The following ZSWIM6 variants were observed in gnomAD, a reference collection of about 807,000 sequenced individuals.
ZSWIM6 encodes zinc finger SWIM domain-containing protein 6.
Under a neutral mutation model 113.2 loss-of-function variants are expected in ZSWIM6, and 9 were observed. That is an observed-to-expected ratio of 0.08 (90% CI 0.05 to 0.14). The LOEUF (loss-of-function observed/expected upper bound fraction) is 0.14, where lower values mean the gene tolerates loss of function less well. ZSWIM6 is among the 10% of genes least tolerant of loss of function. ZSWIM6 has a pLI of 1.00. For missense variants in ZSWIM6, 1,162 were observed against 1,552.2 expected, an observed-to-expected ratio of 0.75 and a Z score of 4.22; for synonymous variants, 611 against 606.5, an observed-to-expected ratio of 1.01 and a Z score of -0.11.
chr5:61,332,854 CGGGGCGGCG>C lies in ZSWIM6; in HGVS notation c.584_592del (p.Gly195_Ala197del). 8.5e-7 allele frequency: 1 copy of C among 1,173,368 alleles called. No homozygotes were observed. Among genetic ancestry groups the C allele is most frequent in the African/African-American group, 1.6e-5 (1 of 61,522 alleles). 72.7% of individuals were successfully genotyped at this position (1,173,368 alleles called of 1,614,324 possible). On this transcript the variant is annotated inframe_deletion, in exon 1 of 14. Transcript: ENST00000252744. ...CCGGGGCCCCGTCGGTGGGGGCTGCCGGGGCGGCGGACGGCGGCGACGAGACGCGGCTGC... is the reference window on the plus strand; with the variant it reads ...CCGGGGCCCCGTCGGTGGGGGCTGCCGACGGCGGCGACGAGACGCGGCTGC...
chr5:61,521,484 A>G (rs1749119383), intron 5 of ZSWIM6, 42 bp downstream of exon 5: 1 of 1,368,188 alleles, frequency 7.3e-7, no homozygotes, highest in Non-Finnish European at 9.6e-7. Flanking sequence ...TAGCTACTTA[A>G]TTATGCATAT....
chr5:61,527,614 T>C (rs1244297825), intron 7 of ZSWIM6, among the ~76,000 whole-genome samples: 1 of 152,170 alleles, frequency 6.6e-6, no homozygotes, highest in Non-Finnish European at 1.5e-5. Flanking sequence ...TGCTAGGTAC[T>C]TTGGAAAATT....
At chr5:61,503,374 A>T (rs1373975277) in intron 4 of ZSWIM6, among the ~76,000 whole-genome samples, 2 of 152,166 alleles carry the variant, frequency 1.3e-5, no homozygotes, top group Non-Finnish European at 2.9e-5. Context: ...AGAAAGCCAA[A>T]TCTCTGTGAT....
intron 10 of ZSWIM6, among the ~76,000 whole-genome samples, chr5:61,537,461 C>T (rs1338089391): frequency 6.6e-6 from 1 of 152,050 alleles, no homozygotes; most frequent in African/African-American, 2.4e-5. Flanking sequence ...GGAAGGTCAT[C>T]TTCAGCACTC....
At chr5:61,399,118 T>TA (rs977375378) in intron 1 of ZSWIM6, among the ~76,000 whole-genome samples, 1 of 151,262 alleles carries the variant, frequency 6.6e-6, no homozygotes, top group Non-Finnish European at 1.5e-5. Context: ...AGAGACGGGG[T>TA]TTCTCCATGT....
chr5:61,462,069 G>A (rs1303462282), intron 1 of ZSWIM6, among the ~76,000 whole-genome samples: 1 of 152,204 alleles, frequency 6.6e-6, no homozygotes, highest in Non-Finnish European at 1.5e-5. Flanking sequence ...TACAGTCCTT[G>A]CAGGAGCTAG....
At chr5:61,467,148 A>G (rs1172447811) in intron 1 of ZSWIM6, among the ~76,000 whole-genome samples, 5 of 152,120 alleles carry the variant, frequency 3.3e-5, no homozygotes, top group Non-Finnish European at 7.4e-5. Context: ...TTCTGGTATC[A>G]CTCTTAATAA....
chr5:61,418,507 C>T (rs1239976916), intron 1 of ZSWIM6, among the ~76,000 whole-genome samples: 1 of 152,122 alleles, frequency 6.6e-6, no homozygotes, highest in African/African-American at 2.4e-5. Flanking sequence ...GATCCACCAG[C>T]CTCGGCCTCC....
intron 1 of ZSWIM6, among the ~76,000 whole-genome samples, chr5:61,405,558 T>G (rs1204620504): frequency 6.6e-6 from 1 of 152,134 alleles, no homozygotes; most frequent in Non-Finnish European, 1.5e-5. Flanking sequence ...TAAGAGAAGA[T>G]TTGCATTAGA....
chr5:61,447,237 G>A (rs994402816), intron 1 of ZSWIM6, among the ~76,000 whole-genome samples: 1 of 151,862 alleles, frequency 6.6e-6, no homozygotes, highest in African/African-American at 2.4e-5. Context: ...AGAATATTGG[G>A]GCCAAACAGT....
intron 1 of ZSWIM6, among the ~76,000 whole-genome samples, chr5:61,410,945 C>G (rs1746139004): frequency 6.6e-6 from 1 of 151,968 alleles, no homozygotes; most frequent in Non-Finnish European, 1.5e-5. Flanking sequence ...TAACAGGACT[C>G]AAGGCAAAAA....
chr5:61,536,271 T>A (rs530069064), intron 10 of ZSWIM6, among the ~76,000 whole-genome samples: 19 of 152,358 alleles, frequency 1.2e-4, no homozygotes, highest in African/African-American at 4.6e-4. Flanking sequence ...CTACCTTCTT[T>A]TAAAAGTTAT....
chr5:61,434,131 TA>T (rs1022593847), intron 1 of ZSWIM6, among the ~76,000 whole-genome samples: 2 of 147,238 alleles, frequency 1.4e-5, no homozygotes, highest in African/African-American at 4.9e-5. Context: ...ATATGTATAA[TA>T]TATACTATAT....
intron 9 of ZSWIM6, among the ~76,000 whole-genome samples, chr5:61,532,482 G>A (rs969753437): frequency 1.2e-4 from 19 of 152,240 alleles, no homozygotes; most frequent in African/African-American, 3.9e-4. Context: ...TGTGTTATTA[G>A]TGTGTTATTA....
chr5:61,476,061 C>T (rs1747701948), intron 2 of ZSWIM6, among the ~76,000 whole-genome samples: 1 of 152,112 alleles, frequency 6.6e-6, no homozygotes, highest in Non-Finnish European at 1.5e-5. Flanking sequence ...ATCATAAAGA[C>T]AAGATTTAGC....
At chr5:61,480,067 A>C (rs1747814420) in intron 2 of ZSWIM6, among the ~76,000 whole-genome samples, 1 of 152,230 alleles carries the variant, frequency 6.6e-6, no homozygotes, top group Non-Finnish European at 1.5e-5. Flanking sequence ...ATATTTGTGT[A>C]CTGAGTAATC....
chr5:61,481,481 C>T (rs1412369933), intron 2 of ZSWIM6, among the ~76,000 whole-genome samples: 1 of 151,974 alleles, frequency 6.6e-6, no homozygotes. Flanking sequence ...AACATTCTCT[C>T]CAAACAGAAT....
At chr5:61,390,314 G>A (rs1745680034) in intron 1 of ZSWIM6, among the ~76,000 whole-genome samples, 1 of 152,056 alleles carries the variant, frequency 6.6e-6, no homozygotes, top group African/African-American at 2.4e-5. Flanking sequence ...CCTTTTATAA[G>A]GAATAAAATT....
chr5:61,455,833 C>T (rs1447737490), intron 1 of ZSWIM6, among the ~76,000 whole-genome samples: 2 of 149,458 alleles, frequency 1.3e-5, no homozygotes, highest in Non-Finnish European at 3.0e-5. Context: ...CCCGCCCCCG[C>T]CCCCACTGTT....
Sources: allele counts gnomAD v4.1 joint callset (sites outside exome capture counted in the v4.1 genomes callset), GRCh38; gene constraint gnomAD v4.1.1; transcripts MANE v1.5; gene names NCBI Gene and HGNC (gene_info 2026-07-23, HGNC 2026-07-21).